The following RNGTT variants were observed in gnomAD, a reference collection of about 807,000 sequenced individuals.
The protein encoded by RNGTT is mRNA-capping enzyme.
RNGTT carries 33 observed loss-of-function variants against 79.3 expected under a neutral mutation model. The observed-to-expected ratio is 0.42, with a 90% CI of 0.32 to 0.56. The LOEUF (loss-of-function observed/expected upper bound fraction) is 0.56. Among genes scored for constraint, RNGTT ranks in the 20% least tolerant of loss-of-function variants. The pLI is 0.17. For missense variants in RNGTT, 497 were observed against 739.1 expected (o/e 0.67, Z 3.80); for synonymous variants, 222 against 235.9 (o/e 0.94, Z 0.54).
chr6:88,624,542 T>G (rs77558078), intron 14 of RNGTT, among the ~76,000 whole-genome samples: 4,555 of 151,924 alleles, frequency 0.03, 228 homozygotes, highest in African/African-American at 0.1. Flanking sequence ...AAAATACGCA[T>G]CTCAATCTAC....
chr6:88,739,725 T>TTATTTATATATATA (rs1777405492), intron 13 of RNGTT, among the ~76,000 whole-genome samples: 8 of 94,164 alleles, frequency 8.5e-5, no homozygotes, highest in African/African-American at 3.2e-4. Context: ...GTGAAAAAAA[T>TTATTTATATATATA]TATATATATA....
chr6:88,895,995 C>T (rs1284477908), intron 6 of RNGTT, among the ~76,000 whole-genome samples: 2 of 152,136 alleles, frequency 1.3e-5, no homozygotes, highest in East Asian at 1.9e-4. Context: ...CACCCCGTAC[C>T]GTGTCTCAAC....
chr6:88,771,348 TATAC>T lies in RNGTT; in HGVS notation c.1339-1478_1339-1475del, dbSNP rs1176089216. Among the ~76,000 whole-genome samples, 501 of 128,724 alleles carry T rather than the reference TATAC, an allele frequency of 3.9e-3. 2 individuals are homozygous for T. Among genetic ancestry groups the T allele is most frequent in the Admixed American group, 7.0e-3 (92 of 13,200 alleles). The allele number at this position is 128,724 out of a possible 152,430, so 84.4% of individuals were successfully genotyped here. ...ATATATATATATATATATATATATA[TATAC>T]ACACACACACACACACACAATTTCT... On this transcript the variant is annotated intron_variant, in intron 12 of 15. Coordinates refer to ENST00000369485, the MANE Select transcript of RNGTT (RefSeq NM_003800.5).
intron 14 of RNGTT, among the ~76,000 whole-genome samples, chr6:88,633,889 GAAGA>G (rs1289404235): frequency 6.6e-6 from 1 of 152,198 alleles, no homozygotes; most frequent in African/African-American, 2.4e-5. Flanking sequence ...GGAACAGAGA[GAAGA>G]AAGTAAGCAA....
intron 14 of RNGTT, among the ~76,000 whole-genome samples, chr6:88,647,773 G>A (rs1222825520): frequency 4.0e-5 from 6 of 149,658 alleles, no homozygotes; most frequent in South Asian, 2.1e-4. Flanking sequence ...GGGAGGGAAC[G>A]AAAAACATGC....
At position 88,716,564 on chromosome 6, in the gene RNGTT, A is replaced by G. The variant is rs183096863; in HGVS notation, c.1440-38145T>C. ...TTACAATAGCAAAGACTTGGAACCA[A>G]GCCAAAAGTCCAACAATGATAGACT... On this transcript the variant is annotated intron_variant, in intron 13 of 15. Transcript: ENST00000369485. Among the ~76,000 whole-genome samples the G allele has an allele frequency of 6.6e-5, 10 of 152,358 alleles. No homozygotes were observed. In the East Asian group the frequency reaches 1.9e-3, roughly 29 times the overall value.
chr6:88,927,833 CAAA>C (rs112249320), intron 4 of RNGTT, among the ~76,000 whole-genome samples: 10 of 76,682 alleles, frequency 1.3e-4, no homozygotes, highest in Non-Finnish European at 2.4e-4. Context: ...GATTCCATCT[CAAA>C]AAAAAAAAAA....
At chr6:88,960,119 TCATTGCTA>T (rs1336806413) in intron 1 of RNGTT, among the ~76,000 whole-genome samples, 4 of 152,096 alleles carry the variant, frequency 2.6e-5, no homozygotes, top group African/African-American at 9.7e-5. Context: ...CACAATAGAG[TCATTGCTA>T]CATTTTTTAC....
intron 14 of RNGTT, among the ~76,000 whole-genome samples, chr6:88,672,937 T>C (rs529807891): frequency 1.3e-3 from 204 of 152,364 alleles, no homozygotes; most frequent in Middle Eastern, 6.8e-3. Flanking sequence ...ATATATTTAA[T>C]ACTAACAGTA....
chr6:88,806,980 T>A (rs1016151797), intron 11 of RNGTT, among the ~76,000 whole-genome samples: 30 of 152,118 alleles, frequency 2.0e-4, no homozygotes, highest in African/African-American at 7.2e-4. Context: ...CTCGGCAAAC[T>A]AACGTAGGAA....
At position 88,612,390 on chromosome 6, in the gene RNGTT, G is replaced by A. The variant is rs530083195; in HGVS notation, c.*329C>T. The A allele has an allele frequency of 4.0e-5, 7 of 174,458 alleles. No individual in the cohort carries two copies. The highest frequency in any genetic ancestry group is 1.7e-4 in the African/African-American group (7 of 42,280). The allele number at this position is 174,458 out of a possible 1,614,324, so 10.8% of individuals were successfully genotyped here. On this transcript the variant is annotated 3_prime_UTR_variant, in exon 16 of 16. Coordinates refer to ENST00000369485, the MANE Select transcript of RNGTT (RefSeq NM_003800.5). ...ATTGTTAACTTTATAAATTAAATGT[G>A]AAGCTACCCATATATAAACAAGGCC...
At chr6:88,675,450 G>GGGAGGCCAAGGCGGGAGGATTGCT (rs1774833044) in intron 14 of RNGTT, among the ~76,000 whole-genome samples, 1 of 152,122 alleles carries the variant, frequency 6.6e-6, no homozygotes, top group Non-Finnish European at 1.5e-5. Flanking sequence ...CTACTACTTT[G>GGGAGGCCAAGGCGGGAGGATTGCT]GGAGGCCAAG....
chr6:88,772,191 T>C (rs9359812), intron 12 of RNGTT, among the ~76,000 whole-genome samples: 20,858 of 148,330 alleles, frequency 0.14, 1,569 homozygotes, highest in Middle Eastern at 0.24. Flanking sequence ...AAAAAAAAAA[T>C]GTGCAATAGC....
intron 13 of RNGTT, among the ~76,000 whole-genome samples, chr6:88,766,232 G>T (rs180868619): frequency 7.0e-4 from 106 of 152,160 alleles, no homozygotes; most frequent in South Asian, 1.9e-3. Context: ...AGATAACCTA[G>T]GCAGTCCAGC....
intron 13 of RNGTT, among the ~76,000 whole-genome samples, chr6:88,757,082 C>T (rs1582422798): frequency 6.6e-6 from 1 of 152,144 alleles, no homozygotes; most frequent in East Asian, 1.9e-4. Flanking sequence ...TCATCAAACA[C>T]GTAACCACAC....
chr6:88,792,644 A>G (rs1406575154), intron 12 of RNGTT, among the ~76,000 whole-genome samples: 2 of 152,178 alleles, frequency 1.3e-5, no homozygotes, highest in Non-Finnish European at 2.9e-5. Context: ...ATCTCTGCAT[A>G]AGAGCTAAGT....
At chr6:88,666,599 C>G (rs1298017383) in intron 14 of RNGTT, among the ~76,000 whole-genome samples, 1 of 152,218 alleles carries the variant, frequency 6.6e-6, no homozygotes, top group African/African-American at 2.4e-5. Context: ...CTTCTGGTAT[C>G]AGAGAGCCCA....
At chr6:88,883,905 A>C (rs1014786816) in intron 8 of RNGTT, among the ~76,000 whole-genome samples, 1 of 151,866 alleles carries the variant, frequency 6.6e-6, no homozygotes, top group African/African-American at 2.4e-5. Context: ...GCCCTTAAAC[A>C]TATGAGAGGA....
At chr6:88,786,322 T>C (rs1401428279) in intron 12 of RNGTT, among the ~76,000 whole-genome samples, 1 of 152,196 alleles carries the variant, frequency 6.6e-6, no homozygotes, top group Non-Finnish European at 1.5e-5. Flanking sequence ...AATCAACTTA[T>C]AAAAGCTAGT....
Sources: allele counts gnomAD v4.1 joint callset (sites outside exome capture counted in the v4.1 genomes callset), GRCh38; gene constraint gnomAD v4.1.1; transcripts MANE v1.5; gene names NCBI Gene and HGNC (gene_info 2026-07-23, HGNC 2026-07-21).